The following ERMAP variants were observed in gnomAD, a reference collection of about 807,000 sequenced individuals.
ERMAP encodes erythroid membrane-associated protein.
Under a neutral mutation model 49.5 loss-of-function variants are expected in ERMAP, and 34 were observed. The ratio of observed to expected loss-of-function variants is 0.69; its 90% CI spans 0.52 to 0.91. ERMAP has a LOEUF of 0.91. Among genes scored for constraint, ERMAP ranks in the 40% least tolerant of loss-of-function variants. ERMAP has a pLI of 0.00. For missense variants in ERMAP, 541 were observed against 582.6 expected (o/e 0.93, Z 0.74); for synonymous variants, 214 against 232.2 (o/e 0.92, Z 0.71).
chr1:42,827,201 G>A (rs549305361), intron 2 of ERMAP, among the ~76,000 whole-genome samples: 7 of 152,282 alleles, frequency 4.6e-5, no homozygotes, highest in African/African-American at 1.7e-4. Context: ...ACAGGGTCTT[G>A]CTCTGTCATC....
chr1:42,824,054 A>G (rs1654468477), intron 1 of ERMAP, among the ~76,000 whole-genome samples: 1 of 152,200 alleles, frequency 6.6e-6, no homozygotes, highest in South Asian at 2.1e-4. Flanking sequence ...AAGAATGTTC[A>G]GGGCACGAGG....
intron 1 of ERMAP, among the ~76,000 whole-genome samples, chr1:42,821,469 TAAG>T (rs1470336266): frequency 2.0e-5 from 3 of 152,206 alleles, no homozygotes; most frequent in Non-Finnish European, 4.4e-5. Flanking sequence ...ACATTTCAGA[TAAG>T]AAACTCATTT....
intron 11 of ERMAP, among the ~76,000 whole-genome samples, chr1:42,840,578 T>G (rs1022274941): frequency 4.6e-5 from 7 of 152,330 alleles, no homozygotes; most frequent in Non-Finnish European, 8.8e-5. Context: ...TTATCAGTTA[T>G]TTGTATTTCT....
intron 2 of ERMAP, 185 bp from the exon 3 acceptor site, chr1:42,830,259 A>G (rs1654677321): frequency 1.7e-6 from 1 of 597,950 alleles, no homozygotes; most frequent in East Asian, 2.8e-5. Flanking sequence ...AGATGAAGAA[A>G]CACAGTCTCA....
chr1:42,839,716 T>G, intron 8 of ERMAP: 1 of 463,758 alleles, frequency 2.2e-6, no homozygotes, highest in Non-Finnish European at 3.8e-6. Context: ...AGTGATAGTT[T>G]TAAATGAAGT....
rs1467777273 is a variant in ERMAP at position 42,817,214 on chromosome 1, T to G, written c.-161T>G. On this transcript the variant is annotated 5_prime_UTR_variant, in exon 1 of 12. Transcript: ENST00000372517. ...CCTTTCCCGACCGGGCCACTGGAAGTTGGAGCCTCCGCCGAGTCGCAGACA... is the reference window on the plus strand; with the variant it reads ...CCTTTCCCGACCGGGCCACTGGAAGGTGGAGCCTCCGCCGAGTCGCAGACA... 4.8e-6 allele frequency: 6 copies of G among 1,256,236 alleles called. No individual in the cohort carries two copies. The highest frequency in any genetic ancestry group is 6.2e-6 in the Non-Finnish European group (6 of 974,124). The allele number at this position is 1,256,236 out of a possible 1,614,324, so 77.8% of individuals were successfully genotyped here. A position where few individuals can be genotyped will look rare whatever the true frequency, so the allele number is the denominator to read the frequency against.
intron 11 of ERMAP, among the ~76,000 whole-genome samples, chr1:42,841,221 C>T (rs1027242129): frequency 1.1e-4 from 16 of 152,194 alleles, no homozygotes; most frequent in Non-Finnish European, 2.4e-4. Flanking sequence ...CTCACATTTA[C>T]AGTCTGGCTT....
At chr1:42,832,454 G>A (rs1654774117) in intron 4 of ERMAP, among the ~76,000 whole-genome samples, 2 of 151,856 alleles carry the variant, frequency 1.3e-5, no homozygotes, top group Admixed American at 6.6e-5. Flanking sequence ...CACAACCTCC[G>A]CCTCCCAGGT....
chr1:42,839,023 A>C, intron 8 of ERMAP, 102 bp downstream of exon 8: 1 of 1,593,806 alleles, frequency 6.3e-7, no homozygotes, highest in Non-Finnish European at 8.6e-7. Flanking sequence ...GGGAGGGGGT[A>C]CTGGTAATTC....
chr1:42,843,830 T>A lies in ERMAP; in HGVS notation c.*598T>A. On this transcript the variant is annotated 3_prime_UTR_variant, in exon 12 of 12. Coordinates refer to ENST00000372517, the MANE Select transcript of ERMAP (RefSeq NM_001017922.2). The stretch of plus-strand genomic sequence containing the variant: ...CTGTTTACAACATAGTTTGGTGATA[T>A]CCAGAGCTAATGTACATGCTTTCAA... The A allele has an allele frequency of 2.6e-6, 1 of 382,824 alleles. No homozygotes were observed. Among genetic ancestry groups the A allele is most frequent in the South Asian group, 1.5e-4 (1 of 6,876 alleles). 23.7% of individuals were successfully genotyped at this position (382,824 alleles called of 1,614,324 possible). A position where few individuals can be genotyped will look rare whatever the true frequency, so the allele number is the denominator to read the frequency against.
rs77355367 is a variant in ERMAP, at chr1:42,820,691, C to G, written c.-122+3438C>G. Among the ~76,000 whole-genome samples the G allele has an allele frequency of 4.8e-3, 723 of 152,208 alleles. 4 individuals carry two copies. Among genetic ancestry groups the G allele is most frequent in the Non-Finnish European group, 8.6e-3 (586 of 68,002 alleles). On this transcript the variant is annotated intron_variant, in intron 1 of 11. Coordinates refer to ENST00000372517, the MANE Select transcript of ERMAP (RefSeq NM_001017922.2). ...GAGTTTTTGTTTGATCCCCGACTTT[C>G]CTTTTTGGTAGCCTCTTGCTCTTAT...
At chr1:42,830,626 G>C (rs1193151156) in intron 3 of ERMAP, 93 bp downstream of exon 3, 3 of 1,503,448 alleles carry the variant, frequency 2.0e-6, no homozygotes, top group African/African-American at 1.4e-5. Context: ...ATGTCTTTTG[G>C]GGTTCTGTTC....
At chr1:42,831,575 C>CTTTTTTT (rs796367653) in intron 4 of ERMAP, among the ~76,000 whole-genome samples, 17 of 84,012 alleles carry the variant, frequency 2.0e-4, no homozygotes, top group South Asian at 9.0e-4. Flanking sequence ...TTTTTTTTCT[C>CTTTTTTT]TTTTTTTTTT....
intron 4 of ERMAP, among the ~76,000 whole-genome samples, chr1:42,833,041 T>A (rs1455894950): frequency 6.6e-6 from 1 of 152,212 alleles, no homozygotes; most frequent in Non-Finnish European, 1.5e-5. Context: ...TAGCAGTGTC[T>A]AGCAGAGTCA....
intron 4 of ERMAP, among the ~76,000 whole-genome samples, chr1:42,832,101 G>A (rs1211667575): frequency 2.0e-5 from 3 of 151,922 alleles, no homozygotes; most frequent in African/African-American, 7.3e-5. Context: ...CATGAAGTGG[G>A]GATGAATCAA....
Position 42,837,200 on chromosome 1 carries a change from T to TA in ERMAP, c.616+14dup. On this transcript the variant is annotated intron_variant, in intron 7 of 11. Transcript: ENST00000372517. ...CATGCTAAAGAAAAAGGTAATGATA[T>TA]AAAAGAGTAAGGGGTAGGGAACAAA... The TA allele has an allele frequency of 6.2e-7, 1 of 1,613,128 alleles. No individual in the cohort carries two copies. Among genetic ancestry groups the TA allele is most frequent in the Non-Finnish European group, 8.5e-7 (1 of 1,179,170 alleles).
rs1156961137 is a variant in ERMAP, at chr1:42,843,140, C to T, written c.1336C>T (p.Pro446Ser). Residue 446 changes from proline to serine, a missense_variant, in exon 12 of 12, where the codon CCC (proline) becomes TCC (serine). Pro to Ser is a moderately conservative substitution (Grantham distance 74). Transcript: ENST00000372517. The stretch of plus-strand genomic sequence containing the variant: ...CCTCAAGGTGAACTCTTCTTTACTA[C>T]CCCCGAAGGCCCCAGAGCTGAAGGA... ...VSLKVNSSLL[P>S]PKAPELKDII... 5 of 1,614,038 alleles carry T rather than the reference C, an allele frequency of 3.1e-6. No individual in the cohort carries two copies. The highest frequency in any genetic ancestry group is 3.4e-6 in the Non-Finnish European group (4 of 1,180,034).
At chr1:42,823,338 A>G (rs142938803) in intron 1 of ERMAP, among the ~76,000 whole-genome samples, 17 of 152,324 alleles carry the variant, frequency 1.1e-4, no homozygotes, top group African/African-American at 3.8e-4. Context: ...CAGATCTTCT[A>G]AATGTTGACA....
chr1:42,834,411 G>C (rs1358127997), intron 4 of ERMAP, among the ~76,000 whole-genome samples: 1 of 152,162 alleles, frequency 6.6e-6, no homozygotes, highest in African/African-American at 2.4e-5. Context: ...AGTGCCTTCA[G>C]TCCTCTGAAG....
Sources: gnomAD v4.1 joint callset for allele counts (sites outside exome capture counted in the v4.1 genomes callset) on GRCh38, gnomAD v4.1.1 for gene constraint, MANE v1.5 for transcripts, NCBI Gene and HGNC (gene_info 2026-07-23, HGNC 2026-07-21) for gene names.